Variants in RALA observed in about 807,000 individuals in gnomAD.
RALA encodes the protein ras-related protein Ral-A.
A neutral mutation model predicts 24.0 loss-of-function variants in RALA; 5 were observed. The ratio of observed to expected loss-of-function variants is 0.21; its 90% CI spans 0.11 to 0.44. The LOEUF is 0.44. Ranked by LOEUF, RALA falls within the 20% of genes least tolerant of loss-of-function variation. The pLI is 0.99. For synonymous variants in RALA, 77 were observed against 83.8 expected (o/e 0.92, Z 0.44); for missense variants, 95 against 241.2 (o/e 0.39, Z 4.01).
intron 1 of RALA, among the ~76,000 whole-genome samples, chr7:39,639,414 T>C (rs1791741719): frequency 1.3e-5 from 2 of 152,034 alleles, no homozygotes; most frequent in African/African-American, 4.8e-5. Flanking sequence ...AAAAAAGAAA[T>C]GGCGGTGATG....
chr7:39,698,426 T>C (rs542542567), intron 4 of RALA, among the ~76,000 whole-genome samples: 1 of 152,298 alleles, frequency 6.6e-6, no homozygotes, highest in African/African-American at 2.4e-5. Context: ...ATAGGATTAT[T>C]GTAAAGATGA....
chr7:39,646,707 A>T (rs1791930060), intron 1 of RALA, among the ~76,000 whole-genome samples: 1 of 152,166 alleles, frequency 6.6e-6, no homozygotes, highest in Admixed American at 6.5e-5. Flanking sequence ...TCTCAAATTT[A>T]TTCTGTTCTA....
chr7:39,702,324 G>A (rs1473311957), intron 4 of RALA, among the ~76,000 whole-genome samples: 1 of 152,032 alleles, frequency 6.6e-6, no homozygotes, highest in Non-Finnish European at 1.5e-5. Flanking sequence ...GGGAAAGTTT[G>A]CATTTGCTTG....
rs28634237 is a variant in RALA, at chr7:39,640,851, A to G, written c.-38+17026A>G. Among the ~76,000 whole-genome samples, 492 of 152,336 alleles carry G rather than the reference A, an allele frequency of 3.2e-3. 3 individuals are homozygous for G. Among genetic ancestry groups the G allele is most frequent in the African/African-American group, 0.011 (469 of 41,580 alleles). The stretch of plus-strand genomic sequence containing the variant: ...TGGGTATTAGGACTCTTTCAGTTGT[A>G]AGAGCCAGAAATCCAGTTCAGCAAA... On this transcript the variant is annotated intron_variant, in intron 1 of 4. Coordinates refer to ENST00000005257, the MANE Select transcript of RALA (RefSeq NM_005402.4).
chr7:39,680,913 G>A (rs1260245954), intron 1 of RALA, among the ~76,000 whole-genome samples: 1 of 152,122 alleles, frequency 6.6e-6, no homozygotes, highest in Non-Finnish European at 1.5e-5. Flanking sequence ...AAAATTATCT[G>A]TGGTTATATT....
intron 1 of RALA, among the ~76,000 whole-genome samples, chr7:39,669,471 T>A (rs1280449872): frequency 6.6e-6 from 1 of 152,188 alleles, no homozygotes; most frequent in Non-Finnish European, 1.5e-5. Context: ...ATTTAACAGA[T>A]GTCTTCATGT....
chr7:39,646,932 T>C (rs1791933942), intron 1 of RALA, among the ~76,000 whole-genome samples: 1 of 152,232 alleles, frequency 6.6e-6, no homozygotes, highest in African/African-American at 2.4e-5. Flanking sequence ...GGATAAGCTA[T>C]TATAAAATGT....
intron 4 of RALA, chr7:39,702,974 A>T (rs1466030820): frequency 6.6e-6 from 1 of 152,200 alleles, no homozygotes. Context: ...GTATAGTTTC[A>T]AATACCTGAA....
intron 4 of RALA, among the ~76,000 whole-genome samples, chr7:39,699,865 A>G (rs1311166518): frequency 6.6e-6 from 1 of 152,160 alleles, no homozygotes; most frequent in East Asian, 1.9e-4. Context: ...GCCCTCAAAC[A>G]ACACAGATTT....
chr7:39,697,321 C>G, intron 4 of RALA: 1 of 456,008 alleles, frequency 2.2e-6, no homozygotes, highest in Admixed American at 2.4e-5. Context: ...TCTCCACTCC[C>G]CACCCTCAAC....
intron 1 of RALA, among the ~76,000 whole-genome samples, chr7:39,642,748 C>T (rs1791841855): frequency 6.6e-6 from 1 of 152,188 alleles, no homozygotes; most frequent in Non-Finnish European, 1.5e-5. Context: ...TTGGGAGCAG[C>T]ATTTAGTAGA....
At chr7:39,686,184 C>T (rs542137369) in intron 1 of RALA, among the ~76,000 whole-genome samples, 102 of 136,618 alleles carry the variant, frequency 7.5e-4, no homozygotes, top group Non-Finnish European at 1.2e-3. Flanking sequence ...CCAGCCTGGG[C>T]GACAGAGCGA....
At chr7:39,673,345 T>C (rs1165444469) in intron 1 of RALA, among the ~76,000 whole-genome samples, 1 of 152,184 alleles carries the variant, frequency 6.6e-6, no homozygotes, top group East Asian at 1.9e-4. Flanking sequence ...AGTCTTTTTT[T>C]ACTGTCAGAG....
chr7:39,700,464 T>TA (rs781173016), intron 4 of RALA: 3 of 152,318 alleles, frequency 2.0e-5, no homozygotes, highest in Non-Finnish European at 4.4e-5. Flanking sequence ...CCATGTGTGC[T>TA]AGTTTAGGCT....
chr7:39,648,799 C>T (rs1225066052), intron 1 of RALA, among the ~76,000 whole-genome samples: 1 of 152,144 alleles, frequency 6.6e-6, no homozygotes, highest in Non-Finnish European at 1.5e-5. Flanking sequence ...ATGGCTCACC[C>T]CTGTAATCCC....
intron 1 of RALA, among the ~76,000 whole-genome samples, chr7:39,681,460 T>C (rs1792602313): frequency 6.6e-6 from 1 of 151,756 alleles, no homozygotes; most frequent in Admixed American, 6.6e-5. Context: ...CTGGGATTAC[T>C]GGCATGCACT....
intron 1 of RALA, among the ~76,000 whole-genome samples, chr7:39,669,922 A>G (rs966014802): frequency 2.6e-5 from 4 of 151,878 alleles, no homozygotes; most frequent in African/African-American, 9.7e-5. Context: ...AAACTGGATC[A>G]TTCAGGCATG....
intron 4 of RALA, 125 bp from the exon 5 acceptor site, chr7:39,705,998 A>G (rs867409152): frequency 3.7e-6 from 3 of 820,442 alleles, no homozygotes; most frequent in African/African-American, 3.5e-5. Context: ...TCCGCTCTGT[A>G]CTCCCAAACA....
rs139718100 is a variant in RALA at position 39,672,368 on chromosome 7, A to G, written c.-37-14263A>G. The stretch of plus-strand genomic sequence containing the variant: ...AAGGAAATACCACTACACATTCACT[A>G]GACTGCCTAAAATTAGAAGCCTGGG... On this transcript the variant is annotated intron_variant, in intron 1 of 4. Coordinates refer to ENST00000005257, the MANE Select transcript of RALA (RefSeq NM_005402.4). Among the ~76,000 whole-genome samples, 306 of 152,308 alleles carry G rather than the reference A, an allele frequency of 2.0e-3. 1 individual carries two copies. The highest frequency in any genetic ancestry group is 6.9e-3 in the African/African-American group (288 of 41,574).
Sources: gnomAD v4.1 joint callset for allele counts (sites outside exome capture counted in the v4.1 genomes callset) on GRCh38, gnomAD v4.1.1 for gene constraint, MANE v1.5 for transcripts, NCBI Gene and HGNC (gene_info 2026-07-23, HGNC 2026-07-21) for gene names.